HJV: variants seen among roughly 807,000 people sequenced by gnomAD.
HJV encodes the protein hemojuvelin.
In HJV, 18 loss-of-function variants were observed where a neutral mutation model predicts 22.7. The ratio of observed to expected loss-of-function variants is 0.79; its 90% CI spans 0.55 to 1.18. The LOEUF is 1.18. Among genes scored for constraint, HJV ranks in the 50% most tolerant of loss-of-function variants. The probability of loss-of-function intolerance (pLI) is 0.00; values close to 1 mark genes in which losing one functional copy is unlikely to be tolerated. For synonymous variants in HJV, 229 were observed against 222.7 expected (o/e 1.03, Z -0.25); for missense variants, 572 against 553.0 (o/e 1.03, Z -0.34).
chr1:146,018,694 T>G lies in HJV; in HGVS notation c.664A>C (p.Ile222Leu). Residue 222 changes from isoleucine (I) to leucine (L), a missense_variant, in exon 4 of 4, where the codon ATC becomes CTC. Ile to Leu is a conservative substitution (Grantham distance 5). Transcript: ENST00000336751. Reference protein sequence around the residue: ...ANATATRKLTIIFKNMQECID... With the variant: ...ANATATRKLTLIFKNMQECID... The stretch of plus-strand genomic sequence containing the variant: ...CATTCCTGCATGTTCTTAAATATGA[T>G]GGTGAGCTGTGAGGACAAGAGGGAA... 1 of 1,614,152 alleles carries G rather than the reference T, an allele frequency of 6.2e-7. No homozygotes were observed. The highest frequency in any genetic ancestry group is 8.5e-7 in the Non-Finnish European group (1 of 1,180,018).
chr1:146,019,111 G>T, intron 3 of HJV, 64 bp downstream of exon 3: 1 of 1,311,210 alleles, frequency 7.6e-7, no homozygotes, highest in Non-Finnish European at 1.1e-6. Flanking sequence ...AGTGGGGATG[G>T]GGAGGAATGG....
In HJV at chr1:146,018,377, G is replaced by C. The variant is rs782676186; in HGVS notation, c.981C>G (p.Leu327=). The C allele has an allele frequency of 2.5e-6, 4 of 1,614,178 alleles. No individual in the cohort carries two copies. Among genetic ancestry groups the C allele is most frequent in the Middle Eastern group, 1.6e-4 (1 of 6,062 alleles). Residue 327 remains leucine, a synonymous_variant, in exon 4 of 4, where the codon CTC becomes CTG. Coordinates refer to ENST00000336751, the MANE Select transcript of HJV (RefSeq NM_213653.4). ...CVGGCPPSQR[L]SRSERNRRGA... ...CCCGACGATTGCGCTCTGATCGAGA[G>C]AGTCGCTGACTTGGAGGGCACCCCC...
chr1:146,018,172 G>GTT lies in HJV; in HGVS notation c.1185_1186insAA (p.Leu396AsnfsTer17), dbSNP rs1358869895. ...GGAACCCCAGCATCTGAGGGGAAGA[G>GTT]ATGCAGCTTCTCTAAGTCTGGCAGG... On this transcript the variant is annotated frameshift_variant, in exon 4 of 4. Transcript: ENST00000336751. LOFTEE classifies it low-confidence loss of function (END_TRUNC). The GTT allele has an allele frequency of 6.2e-7, 1 of 1,614,076 alleles. No individual in the cohort carries two copies. The highest frequency in any genetic ancestry group is 1.7e-5 in the Admixed American group (1 of 60,002).
chr1:146,019,863 T>C, intron 2 of HJV, 129 bp from the exon 3 acceptor site: 1 of 1,419,460 alleles, frequency 7.0e-7, no homozygotes, highest in Non-Finnish European at 9.8e-7. Flanking sequence ...CTAAGGGCCT[T>C]CCCCAGCCCC....
At chr1:146,020,792 G>A (rs1195528395) in intron 1 of HJV, among the ~76,000 whole-genome samples, 2 of 152,178 alleles carry the variant, frequency 1.3e-5, no homozygotes, top group African/African-American at 4.8e-5. Context: ...AACACAAGAA[G>A]GATTAAGGGT....
chr1:146,019,022 G>A (rs1370435582), intron 3 of HJV, among the ~76,000 whole-genome samples, 153 bp downstream of exon 3: 3 of 152,184 alleles, frequency 2.0e-5, no homozygotes, highest in Non-Finnish European at 2.9e-5. Context: ...ACAGCTCCAG[G>A]TGTTTGGTAG....
chr1:146,020,012 G>T, intron 2 of HJV, 123 bp downstream of exon 2: 1 of 842,312 alleles, frequency 1.2e-6, no homozygotes, highest in Non-Finnish European at 2.0e-6. Context: ...GTATTTGAGA[G>T]CAGGGCGAGT....
In HJV at chr1:146,020,317, G is replaced by A. The variant is rs1652649247; in HGVS notation, c.-86C>T. The A allele has an allele frequency of 1.1e-6, 1 of 883,958 alleles. No homozygotes were observed. 54.8% of individuals were successfully genotyped at this position (883,958 alleles called of 1,614,324 possible). On this transcript the variant is annotated 5_prime_UTR_variant, in exon 2 of 4. Coordinates refer to ENST00000336751, the MANE Select transcript of HJV (RefSeq NM_213653.4). ...TGAATTTTGACCGGAAGCCCTGTAA[G>A]TGACTGAAAAAAGAAATTTGGCTGG...
Position 146,018,395 on chromosome 1 carries a change from G to C in HJV, c.963C>G (p.Cys321Trp), listed in dbSNP as rs121434374. 10 of 1,613,972 alleles carry C rather than the reference G, an allele frequency of 6.2e-6. No individual in the cohort carries two copies. Among genetic ancestry groups the C allele is most frequent in the Non-Finnish European group, 8.5e-6 (10 of 1,180,016 alleles). ...ATCGAGAGAGTCGCTGACTTGGAGG[G>C]CACCCCCCAACACAGAGCTGCAGGT... ...EQDLQLCVGG[C>W]PPSQRLSRSE... is the part of the protein sequence containing the mutation. Residue 321 changes from cysteine to tryptophan, a missense_variant, in exon 4 of 4, where the codon TGC becomes TGG. Transcript: ENST00000336751.
chr1:146,020,140 C>T lies in HJV; in HGVS notation c.92G>A (p.Gly31Glu), dbSNP rs1652632668. 5.6e-6 allele frequency: 9 copies of T among 1,605,478 alleles called. No individual in the cohort carries two copies. Among genetic ancestry groups the T allele is most frequent in the South Asian group, 2.2e-5 (2 of 90,882 alleles). The part of the protein sequence containing the change: ...STLTLLLLLC[G>E]HAHSQCKILR... ...CTTCCCTGGCCCTTCCTTACCATGTCCACAGAGGAGCAGCAGGAGAGTGAG... is the reference window on the plus strand; with the variant it reads ...CTTCCCTGGCCCTTCCTTACCATGTTCACAGAGGAGCAGCAGGAGAGTGAG... The change falls in exon 2 of 4, where the codon GGA becomes GAA. Residue 31 changes from glycine to glutamate, a missense_variant. By Grantham distance (98) the Gly-to-Glu change is moderately conservative. Transcript: ENST00000336751.
intron 1 of HJV, among the ~76,000 whole-genome samples, chr1:146,020,800 G>C (rs1488837664): frequency 6.6e-6 from 1 of 152,074 alleles, no homozygotes; most frequent in Non-Finnish European, 1.5e-5. Context: ...AAGGATTAAG[G>C]GTGGCATACC....
intron 3 of HJV, 61 bp from the exon 4 acceptor site, chr1:146,018,761 A>T: frequency 6.5e-7 from 1 of 1,546,224 alleles, no homozygotes; most frequent in South Asian, 1.1e-5. Context: ...CCCCAATCAG[A>T]CCTCATACAT....
chr1:146,019,485 T>C lies in HJV; in HGVS notation c.347A>G (p.Gln116Arg). The change falls in exon 3 of 4, where the codon CAG (glutamine) becomes CGG (arginine). Residue 116 changes from glutamine to arginine, a missense_variant. By Grantham distance (43) the Gln-to-Arg change is conservative. Transcript: ENST00000336751. ...AGGGCCCTGGCGGGAGCAGTTGTGCTGGATCATCAGGTCTTCGATGCCATG... is the reference window on the plus strand; with the variant it reads ...AGGGCCCTGGCGGGAGCAGTTGTGCCGGATCATCAGGTCTTCGATGCCATG... ...AVHGIEDLMI[Q>R]HNCSRQGPTA... 6.2e-7 allele frequency: 1 copy of C among 1,612,894 alleles called. No individual in the cohort carries two copies. Among genetic ancestry groups the C allele is most frequent in the Non-Finnish European group, 8.5e-7 (1 of 1,179,880 alleles).
Position 146,018,664 on chromosome 1 carries a change from C to A in HJV, c.694G>T (p.Asp232Tyr). The A allele has an allele frequency of 6.2e-7, 1 of 1,614,158 alleles. No homozygotes were observed. Among genetic ancestry groups the A allele is most frequent in the South Asian group, 1.1e-5 (1 of 91,076 alleles). The change falls in exon 4 of 4, where the codon GAT becomes TAT. Residue 232 changes from aspartate (D) to tyrosine (Y), a missense_variant. Transcript: ENST00000336751. ...ACCTCAGCCTGATACACCTTCTGAT[C>A]AATGCATTCCTGCATGTTCTTAAAT... ...IIFKNMQECI[D>Y]QKVYQAEVDN...
At position 146,020,209 on chromosome 1, in the gene HJV, G is replaced by T. The variant is rs377542495; in HGVS notation, c.23C>A (p.Pro8His). 1.2e-6 allele frequency: 2 copies of T among 1,612,976 alleles called. No individual in the cohort carries two copies. Among genetic ancestry groups the T allele is most frequent in the Non-Finnish European group, 1.7e-6 (2 of 1,178,994 alleles). The change falls in exon 2 of 4, where the codon CCT (proline) becomes CAT (histidine). Residue 8 changes from proline (P) to histidine (H), a missense_variant. Transcript: ENST00000336751. MGEPGQS[P>H]SPRSSHGSPP... is the part of the protein sequence containing the mutation. ...ACTGCCATGGGAGGACCTGGGACTA[G>T]GGGACTGGCCTGGCTCCCCCATACC...
rs1652484148 is a variant in HJV at position 146,018,494 on chromosome 1, C to T, written c.864G>A (p.Arg288=). 1 of 1,614,182 alleles carries T rather than the reference C, an allele frequency of 6.2e-7. No homozygotes were observed. The highest frequency in any genetic ancestry group is 8.5e-7 in the Non-Finnish European group (1 of 1,180,032). The change falls in exon 4 of 4, where the codon CGG becomes CGA. Residue 288 remains arginine (R), a synonymous_variant. Coordinates refer to ENST00000336751, the MANE Select transcript of HJV (RefSeq NM_213653.4). ...AGAAGGAGAGCTGCCCAGCTGTCTG[C>T]CGAATGATTATAGTTGTGCCAATGT... is the stretch of plus-strand genomic sequence containing the variant. ...AAYIGTTIII[R]QTAGQLSFSI...
At position 146,018,375 on chromosome 1, in the gene HJV, G is replaced by A; in HGVS notation, c.983C>T (p.Ser328Phe). 1.2e-6 allele frequency: 2 copies of A among 1,614,098 alleles called. No homozygotes were observed. Among genetic ancestry groups the A allele is most frequent in the East Asian group, 2.2e-5 (1 of 44,902 alleles). Residue 328 changes from serine (S) to phenylalanine (F), a missense_variant, in exon 4 of 4, where the codon TCT (serine) becomes TTT (phenylalanine). By Grantham distance (155) the Ser-to-Phe change is radical (BLOSUM62 -2). Transcript: ENST00000336751. ...VGGCPPSQRL[S>F]RSERNRRGAI... Reference sequence around the variant, plus strand: ...TCCCCGACGATTGCGCTCTGATCGAGAGAGTCGCTGACTTGGAGGGCACCC... The same window carrying A: ...TCCCCGACGATTGCGCTCTGATCGAAAGAGTCGCTGACTTGGAGGGCACCC...
At position 146,019,819 on chromosome 1, in the gene HJV, CTCA is replaced by C. The variant is rs1652606456; in HGVS notation, c.98-88_98-86del. 3.7e-6 allele frequency: 6 copies of C among 1,608,234 alleles called. No homozygotes were observed. In the South Asian group the frequency reaches 6.6e-5, roughly 18 times the overall value. Reference sequence around the variant, plus strand: ...TAGTTTGCTCATAACTCTTCCAAATCTCATCAGGGGTTTCCAGCCTTCCTAAAA... The same window carrying C: ...TAGTTTGCTCATAACTCTTCCAAATCTCAGGGGTTTCCAGCCTTCCTAAAA... On this transcript the variant is annotated intron_variant, in intron 2 of 3. Transcript: ENST00000336751.
chr1:146,019,566 CAG>C lies in HJV; in HGVS notation c.264_265del (p.Cys89HisfsTer60). ...GCAGGTGCGGGCGGTGCGCCGAGTG[CAG>C]AGCGCATAGGAGCGGAGGGCTCGAC... On this transcript the variant is annotated frameshift_variant, in exon 3 of 4. Coordinates refer to ENST00000336751, the MANE Select transcript of HJV (RefSeq NM_213653.4). LOFTEE classifies it high-confidence loss of function. 2.5e-6 allele frequency: 4 copies of C among 1,613,196 alleles called. No individual in the cohort carries two copies. In the South Asian group the frequency reaches 4.4e-5, roughly 18 times the overall value.
Sources: allele counts gnomAD v4.1 joint callset (sites outside exome capture counted in the v4.1 genomes callset), GRCh38; gene constraint gnomAD v4.1.1; transcripts MANE v1.5; gene names NCBI Gene and HGNC (gene_info 2026-07-23, HGNC 2026-07-21).